Variants in PRELID2 observed in about 807,000 individuals in gnomAD.
The protein encoded by PRELID2 is PRELI domain containing 2, also known as PRELI domain-containing protein 2.
A neutral mutation model predicts 28.4 loss-of-function variants in PRELID2; 25 were observed. The ratio of observed to expected loss-of-function variants is 0.88; its 90% CI spans 0.64 to 1.23. The LOEUF is 1.23. Ranked by LOEUF, PRELID2 falls within the 50% of genes most tolerant of loss-of-function variation. The pLI is 0.00. For missense variants in PRELID2, 201 were observed against 214.4 expected (o/e 0.94, Z 0.39); for synonymous variants, 76 against 71.6 (o/e 1.06, Z -0.31).
intron 1 of PRELID2, among the ~76,000 whole-genome samples, chr5:145,544,123 T>C (rs1229443635): frequency 6.6e-6 from 1 of 152,056 alleles, no homozygotes; most frequent in East Asian, 1.9e-4. Context: ...GCATCAAAAG[T>C]CACACAGTTG....
Position 145,649,263 on chromosome 5 carries a change from A to G in PRELID2, n.70+115668T>C, listed in dbSNP as rs145831328. 1.3e-3 allele frequency among the ~76,000 whole-genome samples: 196 copies of G among 152,318 alleles called. 2 individuals are homozygous for G. Among genetic ancestry groups the G allele is most frequent in the African/African-American group, 4.6e-3 (192 of 41,576 alleles). On this transcript the variant is annotated intron_variant and non_coding_transcript_variant, in intron 1 of 2. Coordinates refer to the PRELID2 transcript ENST00000510259. ...GCCATTTTATATAAGGGACTTGAGC[A>G]TCCACAAATCTTGGTAGCCTTGCAG... is the stretch of plus-strand genomic sequence containing the variant.
intron 1 of PRELID2, among the ~76,000 whole-genome samples, chr5:145,617,217 G>C: frequency 6.6e-6 from 1 of 152,208 alleles, no homozygotes; most frequent in East Asian, 1.9e-4. Context: ...TCATCACAGG[G>C]TCCTGAGGTG....
At chr5:145,322,903 C>G in the PRELID2 span, among the ~76,000 whole-genome samples, 2 of 152,066 alleles carry the variant, frequency 1.3e-5, no homozygotes, top group Non-Finnish European at 2.9e-5. Flanking sequence ...ATTGTTTGAA[C>G]CCGGAAGGCG....
chr5:145,262,961 G>A, the PRELID2 span, among the ~76,000 whole-genome samples: 18 of 152,178 alleles, frequency 1.2e-4, no homozygotes, highest in East Asian at 3.5e-3. Flanking sequence ...GACATATAGG[G>A]ACTCTCATAA....
downstream of PRELID2, among the ~76,000 whole-genome samples, chr5:145,751,632 G>T (rs995607465): frequency 6.6e-6 from 1 of 152,102 alleles, no homozygotes; most frequent in Non-Finnish European, 1.5e-5. Context: ...CTTGCCTGTT[G>T]TAATATAAAA....
the PRELID2 span, chr5:145,338,133 T>G: frequency 6.6e-6 from 1 of 152,140 alleles, no homozygotes; most frequent in African/African-American, 2.4e-5. Context: ...GTGACAAAAA[T>G]GAAGAACATG....
chr5:145,300,198 G>A, the PRELID2 span, among the ~76,000 whole-genome samples: 1 of 152,008 alleles, frequency 6.6e-6, no homozygotes, highest in Non-Finnish European at 1.5e-5. Context: ...TAAATAAACT[G>A]GTGATGCTTG....
chr5:145,781,730 T>C (rs921922455), intron 5 of PRELID2, among the ~76,000 whole-genome samples: 6 of 146,330 alleles, frequency 4.1e-5, no homozygotes, highest in Admixed American at 6.9e-5. Flanking sequence ...TATATATATA[T>C]ACTATATATA....
chr5:145,229,283 G>A, the PRELID2 span: 4 of 753,596 alleles, frequency 5.3e-6, no homozygotes, highest in Non-Finnish European at 9.8e-6. Context: ...CTGGTTCAAG[G>A]GCCGCAGTGA....
chr5:145,332,929 G>A, the PRELID2 span, among the ~76,000 whole-genome samples: 17 of 152,156 alleles, frequency 1.1e-4, no homozygotes, highest in Middle Eastern at 0.014. Context: ...CTTTGATGTC[G>A]GTGACCTTCA....
the PRELID2 span, among the ~76,000 whole-genome samples, chr5:145,282,953 G>C: frequency 6.6e-6 from 1 of 152,012 alleles, no homozygotes; most frequent in East Asian, 1.9e-4. Flanking sequence ...TACATTTAGG[G>C]GTGGGATGGT....
intron 1 of PRELID2, among the ~76,000 whole-genome samples, chr5:145,522,269 A>G (rs373420054): frequency 6.6e-5 from 10 of 152,310 alleles, no homozygotes; most frequent in East Asian, 1.9e-4. Flanking sequence ...TTACATGCAT[A>G]TAAATACATC....
At chr5:145,566,228 G>C (rs1199360007) in intron 1 of PRELID2, among the ~76,000 whole-genome samples, 1 of 152,176 alleles carries the variant, frequency 6.6e-6, no homozygotes, top group Non-Finnish European at 1.5e-5. Flanking sequence ...GAGACAATGG[G>C]ATACAGAGGA....
chr5:145,691,966 C>T (rs923063774), intron 1 of PRELID2, among the ~76,000 whole-genome samples: 2 of 152,096 alleles, frequency 1.3e-5, no homozygotes, highest in African/African-American at 4.8e-5. Context: ...GGAATACCAC[C>T]CTGGCCACCT....
the PRELID2 span, among the ~76,000 whole-genome samples, chr5:145,376,752 T>C: frequency 2.6e-5 from 4 of 152,182 alleles, no homozygotes; most frequent in African/African-American, 9.6e-5. Flanking sequence ...CCCTTGTTTC[T>C]GATTGTGTTT....
intron 1 of PRELID2, among the ~76,000 whole-genome samples, chr5:145,594,894 G>A (rs754953490): frequency 3.9e-5 from 6 of 152,070 alleles, no homozygotes; most frequent in Non-Finnish European, 7.4e-5. Flanking sequence ...TTGGGAGGCC[G>A]AGGTGGGCAG....
chr5:145,754,772 G>T (rs1757213089), downstream of PRELID2, among the ~76,000 whole-genome samples: 1 of 152,100 alleles, frequency 6.6e-6, no homozygotes, highest in African/African-American at 2.4e-5. Context: ...TTTTAAGAAG[G>T]GACCAGATGA....
At chr5:145,546,554 G>A (rs928210945) in intron 1 of PRELID2, among the ~76,000 whole-genome samples, 1 of 152,102 alleles carries the variant, frequency 6.6e-6, no homozygotes. Flanking sequence ...CAGGCAAGTA[G>A]AACATTCATT....
the PRELID2 span, chr5:145,450,828 C>G: frequency 6.6e-6 from 1 of 152,138 alleles, no homozygotes; most frequent in Non-Finnish European, 1.5e-5. Context: ...AATTTTGAAA[C>G]AGAGACTTGT....
Sources: allele counts gnomAD v4.1 joint callset (sites outside exome capture counted in the v4.1 genomes callset), GRCh38; gene constraint gnomAD v4.1.1; transcripts MANE v1.5; gene names NCBI Gene and HGNC (gene_info 2026-07-23, HGNC 2026-07-21).